Variants in MBD2 observed in about 807,000 individuals in gnomAD.
The protein encoded by MBD2 is methyl-CpG binding domain protein 2.
Under a neutral mutation model 39.3 loss-of-function variants are expected in MBD2, and 9 were observed. The ratio of observed to expected loss-of-function variants is 0.23; its 90% CI spans 0.14 to 0.40. MBD2 has a LOEUF of 0.40. Ranked by LOEUF, MBD2 falls within the 10% of genes least tolerant of loss-of-function variation. MBD2 has a pLI of 1.00. For synonymous variants in MBD2, 233 were observed against 211.1 expected, an observed-to-expected ratio of 1.10 and a Z score of -0.90; for missense variants, 458 against 532.6, an observed-to-expected ratio of 0.86 and a Z score of 1.38.
chr18:54,218,077 T>C (rs2086576474), intron 1 of MBD2, among the ~76,000 whole-genome samples: 1 of 152,258 alleles, frequency 6.6e-6, no homozygotes, highest in Non-Finnish European at 1.5e-5. Flanking sequence ...ATTAAGCTCT[T>C]AATAAATATT....
At chr18:54,222,655 T>A (rs768477649) in intron 1 of MBD2, among the ~76,000 whole-genome samples, 1 of 152,216 alleles carries the variant, frequency 6.6e-6, no homozygotes, top group East Asian at 1.9e-4. Context: ...TTTTATCATA[T>A]GAGGTTTCAA....
At chr18:54,204,949 T>A (rs2144331044) in intron 2 of MBD2, 49 bp downstream of exon 2, 2 of 1,562,588 alleles carry the variant, frequency 1.3e-6, no homozygotes, top group Middle Eastern at 3.4e-4. Context: ...AGATACTTTT[T>A]GAAGAGCTTT....
intron 2 of MBD2, among the ~76,000 whole-genome samples, chr18:54,201,234 T>C (rs1461927757): frequency 6.6e-6 from 1 of 152,196 alleles, no homozygotes; most frequent in Non-Finnish European, 1.5e-5. Context: ...AGAAACCTGC[T>C]CATGACTTCA....
At position 54,224,340 on chromosome 18, in the gene MBD2, A is replaced by T; in HGVS notation, c.220T>A (p.Cys74Ser). ...CGGCCCCGGCCCCGGCCACGGCCAC[A>T]GACGCCGCCGCCCCGGCCCGCCTGC... The part of the protein sequence containing the change: ...WKQAGRGGGV[C>S]GRGRGRGRGR... Residue 74 changes from cysteine to serine, a missense_variant, in exon 1 of 7, where the codon TGT (cysteine) becomes AGT (serine). Physicochemically the swap from Cys to Ser is moderately radical, Grantham distance 112. Coordinates refer to ENST00000256429, the MANE Select transcript of MBD2 (RefSeq NM_003927.5). 9.5e-7 allele frequency: 1 copy of T among 1,057,530 alleles called. No individual in the cohort carries two copies. Among genetic ancestry groups the T allele is most frequent in the Non-Finnish European group, 1.1e-6 (1 of 875,758 alleles). 65.5% of individuals were successfully genotyped at this position (1,057,530 alleles called of 1,614,324 possible).
intron 1 of MBD2, among the ~76,000 whole-genome samples, chr18:54,213,509 C>A (rs1228878243): frequency 6.6e-6 from 1 of 152,086 alleles, no homozygotes; most frequent in Non-Finnish European, 1.5e-5. Flanking sequence ...AAATTAAAAA[C>A]CAGGGTATGC....
In MBD2 at chr18:54,211,297, G is replaced by A. The variant is rs759101182; in HGVS notation, c.543-6140C>T. ...TCTTCAGAAATCAAACTTCATCTGA[G>A]ACTAAAAACATGAAATTAGAATTAT... On this transcript the variant is annotated intron_variant, in intron 1 of 6. Coordinates refer to ENST00000256429, the MANE Select transcript of MBD2 (RefSeq NM_003927.5). 1.2e-3 allele frequency among the ~76,000 whole-genome samples: 188 copies of A among 151,878 alleles called. 1 individual carries two copies. The highest frequency in any genetic ancestry group is 7.9e-4 in the Non-Finnish European group (54 of 67,974).
At chr18:54,223,508 T>G (rs2086632283) in intron 1 of MBD2, among the ~76,000 whole-genome samples, 1 of 152,304 alleles carries the variant, frequency 6.6e-6, no homozygotes, top group Middle Eastern at 3.4e-3. Context: ...CAAAAGAGTA[T>G]ATTCTGCAAT....
At chr18:54,179,190 A>T (rs623876) in intron 3 of MBD2, among the ~76,000 whole-genome samples, 40 of 152,332 alleles carry the variant, frequency 2.6e-4, no homozygotes, top group African/African-American at 8.7e-4. Context: ...ACCTTGTCTC[A>T]AAAACAAAGA....
chr18:54,172,820 T>C (rs1325696760), intron 3 of MBD2, among the ~76,000 whole-genome samples: 1 of 152,186 alleles, frequency 6.6e-6, no homozygotes, highest in African/African-American at 2.4e-5. Flanking sequence ...AATTGGACAA[T>C]TGACCTCTCT....
At chr18:54,206,859 T>C (rs1299219667) in intron 1 of MBD2, among the ~76,000 whole-genome samples, 1 of 152,164 alleles carries the variant, frequency 6.6e-6, no homozygotes, top group Admixed American at 6.5e-5. Flanking sequence ...GAATACTCGG[T>C]ATCACAAAAT....
chr18:54,218,002 T>C (rs1349010909), intron 1 of MBD2, among the ~76,000 whole-genome samples: 1 of 152,224 alleles, frequency 6.6e-6, no homozygotes, highest in African/African-American at 2.4e-5. Flanking sequence ...CATTTCTGGG[T>C]GCAGGCTTCA....
chr18:54,205,569 CAACA>C (rs2086442693), intron 1 of MBD2, among the ~76,000 whole-genome samples: 4 of 120,114 alleles, frequency 3.3e-5, no homozygotes, highest in African/African-American at 1.3e-4. Context: ...CCAGCCTGGG[CAACA>C]AGAGCAAAAC....
At chr18:54,172,248 T>C (rs1486472548) in intron 3 of MBD2, among the ~76,000 whole-genome samples, 1 of 152,176 alleles carries the variant, frequency 6.6e-6, no homozygotes. Flanking sequence ...GTAGCTCACA[T>C]GGTAAAAAAT....
chr18:54,160,975 G>GAA (rs35601988), intron 5 of MBD2, among the ~76,000 whole-genome samples: 40 of 147,374 alleles, frequency 2.7e-4, no homozygotes, highest in Middle Eastern at 3.5e-3. Context: ...GGGTTCTACT[G>GAA]AAAAAAAAAA....
chr18:54,170,636 G>A (rs2086173118), intron 3 of MBD2, among the ~76,000 whole-genome samples: 1 of 152,204 alleles, frequency 6.6e-6, no homozygotes, highest in Admixed American at 6.5e-5. Context: ...GAATGCCCAT[G>A]ATATGCAATG....
chr18:54,217,785 T>G (rs188781038), intron 1 of MBD2, among the ~76,000 whole-genome samples: 9 of 152,340 alleles, frequency 5.9e-5, no homozygotes, highest in African/African-American at 2.2e-4. Context: ...TATGCATCAG[T>G]TCCTTTGAGC....
At chr18:54,160,080 TGCCAAAAAGAGGAATGTTCACAGAG>T in intron 5 of MBD2, 177 bp from the exon 6 acceptor site, 1 of 610,640 alleles carries the variant, frequency 1.6e-6, no homozygotes, top group Non-Finnish European at 2.8e-6. Flanking sequence ...CAATGAGCCT[TGCCAAAAAGAGGAATGTTCACAGAG>T]GCAGTTATCC....
At chr18:54,180,971 A>AAC (rs2086248278) in intron 3 of MBD2, among the ~76,000 whole-genome samples, 1 of 132,520 alleles carries the variant, frequency 7.5e-6, no homozygotes, top group Non-Finnish European at 1.5e-5. Flanking sequence ...ATCTCGGCTC[A>AAC]CTGCAACCAC....
In MBD2 at chr18:54,170,475, G is replaced by T. The variant is rs796699856; in HGVS notation, c.841-4309C>A. ...TCCCTATTCTGATGCTCTGGGAACC[G>T]AGGCTGATAATGTTGATTATTATTT... On this transcript the variant is annotated intron_variant, in intron 3 of 6. Coordinates refer to ENST00000256429, the MANE Select transcript of MBD2 (RefSeq NM_003927.5). 5.3e-5 allele frequency among the ~76,000 whole-genome samples: 8 copies of T among 152,254 alleles called. No homozygotes were observed. In the South Asian group the frequency reaches 1.2e-3, roughly 24 times the overall value.
Sources: allele counts gnomAD v4.1 joint callset (sites outside exome capture counted in the v4.1 genomes callset), GRCh38; gene constraint gnomAD v4.1.1; transcripts MANE v1.5; gene names NCBI Gene and HGNC (gene_info 2026-07-23, HGNC 2026-07-21).